The following LMO7 variants were observed in gnomAD, a reference collection of about 807,000 sequenced individuals.
LMO7 encodes the protein LIM domain 7.
LMO7 carries 120 observed loss-of-function variants against 206.5 expected under a neutral mutation model. The observed-to-expected ratio is 0.58, with a 90% CI of 0.50 to 0.68. LMO7 has a LOEUF of 0.68. LMO7 is among the 30% of genes least tolerant of loss of function. LMO7 has a pLI of 0.00. For synonymous variants in LMO7, 706 were observed against 681.5 expected (o/e 1.04, Z -0.56); for missense variants, 1,959 against 1,957.9 (o/e 1.00, Z -0.01).
intron 1 of LMO7, among the ~76,000 whole-genome samples, chr13:75,655,407 T>A (rs2037963432): frequency 6.6e-6 from 1 of 152,112 alleles, no homozygotes; most frequent in Non-Finnish European, 1.5e-5. Context: ...CAACACAAAA[T>A]GTCAGGTTTT....
chr13:75,737,771 A>AAAAG (rs2045992592), intron 3 of LMO7, among the ~76,000 whole-genome samples: 1 of 28,970 alleles, frequency 3.5e-5, no homozygotes, highest in Non-Finnish European at 6.7e-5. Flanking sequence ...AAAAAATAAA[A>AAAAG]TAAAATAAAA....
chr13:75,695,418 C>T (rs997826258), intron 1 of LMO7, among the ~76,000 whole-genome samples: 2 of 152,176 alleles, frequency 1.3e-5, no homozygotes, highest in African/African-American at 2.4e-5. Flanking sequence ...CTGGAGTGCA[C>T]TCACTGCAAC....
At chr13:75,843,364 G>A (rs149733588) in intron 25 of LMO7, among the ~76,000 whole-genome samples, 1 of 152,302 alleles carries the variant, frequency 6.6e-6, no homozygotes, top group East Asian at 1.9e-4. Context: ...GCATCTTGAG[G>A]TTTAAGTTGT....
chr13:75,785,041 A>T (rs1004926607), intron 4 of LMO7, among the ~76,000 whole-genome samples: 1 of 152,168 alleles, frequency 6.6e-6, no homozygotes, highest in African/African-American at 2.4e-5. Flanking sequence ...TATACAGGAT[A>T]GTGGAAAATA....
chr13:75,819,590 A>T, intron 13 of LMO7, 55 bp downstream of exon 13: 2 of 1,445,208 alleles, frequency 1.4e-6, no homozygotes, highest in Non-Finnish European at 1.8e-6. Context: ...CCAGTGTTAT[A>T]AATAGATATT....
intron 3 of LMO7, among the ~76,000 whole-genome samples, chr13:75,739,965 C>T (rs910291548): frequency 3.3e-5 from 5 of 152,102 alleles, no homozygotes; most frequent in African/African-American, 1.2e-4. Flanking sequence ...GGGGAAAAAG[C>T]CCACTTCTCT....
At chr13:75,673,177 A>G (rs1247281747) in intron 1 of LMO7, among the ~76,000 whole-genome samples, 1 of 152,184 alleles carries the variant, frequency 6.6e-6, no homozygotes, top group Admixed American at 6.5e-5. Flanking sequence ...AAGTCTTAGG[A>G]TTTGTCTTGA....
Position 75,726,422 on chromosome 13 carries a change from C to A in LMO7, c.141-607C>A, listed in dbSNP as rs575761671. On this transcript the variant is annotated intron_variant, in intron 2 of 30. Transcript: ENST00000377534. Reference sequence around the variant, plus strand: ...TCTGTTTAATCTAAAATACTAGATTCTGAGGTAACTTAGTTAATTTGGGGG... The same window carrying A: ...TCTGTTTAATCTAAAATACTAGATTATGAGGTAACTTAGTTAATTTGGGGG... Among the ~76,000 whole-genome samples the A allele has an allele frequency of 5.9e-5, 9 of 151,978 alleles. No homozygotes were observed. The South Asian group carries it at 1.9e-3, about 32-fold the overall frequency.
chr13:75,820,018 G>A (rs2057418619), intron 13 of LMO7, among the ~76,000 whole-genome samples: 1 of 152,038 alleles, frequency 6.6e-6, no homozygotes, highest in Non-Finnish European at 1.5e-5. Context: ...TCTTTGCATT[G>A]CATCTTAACA....
chr13:75,688,428 T>C (rs2041193065), intron 1 of LMO7: 1 of 152,228 alleles, frequency 6.6e-6, no homozygotes, highest in African/African-American at 2.4e-5. Flanking sequence ...ATTTGATAAT[T>C]AGCTCCCGTA....
intron 3 of LMO7, among the ~76,000 whole-genome samples, chr13:75,755,283 T>C (rs1594754374): frequency 6.6e-6 from 1 of 152,190 alleles, no homozygotes; most frequent in East Asian, 1.9e-4. Flanking sequence ...ATTTTCAAAT[T>C]CTTTGGGTAG....
rs9600532 is a variant in LMO7, at chr13:75,710,340, G to T, written c.70-2842G>T. On this transcript the variant is annotated intron_variant, in intron 1 of 30. Coordinates refer to ENST00000377534, the MANE Select transcript of LMO7 (RefSeq NM_001306080.2). ...GTTTTTTCTAATTCTGTGAAGAAAG[G>T]CATTGGTAGCTTGATGGGGATGGCA... is the stretch of plus-strand genomic sequence containing the variant. 9.1e-3 allele frequency among the ~76,000 whole-genome samples: 1,382 copies of T among 152,210 alleles called. 27 individuals carry two copies. Among genetic ancestry groups the T allele is most frequent in the African/African-American group, 0.03 (1,258 of 41,524 alleles).
intron 4 of LMO7, among the ~76,000 whole-genome samples, chr13:75,765,394 G>T (rs2048734506): frequency 7.6e-6 from 1 of 132,236 alleles, no homozygotes. Flanking sequence ...TTTTAAGCAA[G>T]CTTAACGATA....
At chr13:75,821,127 G>T (rs374718157) in intron 13 of LMO7, 50 bp from the exon 14 acceptor site, 5 of 1,429,740 alleles carry the variant, frequency 3.5e-6, no homozygotes, top group African/African-American at 1.4e-5. Flanking sequence ...CACCACCTCT[G>T]TGTGTCAAAT....
intron 3 of LMO7, among the ~76,000 whole-genome samples, chr13:75,743,396 A>G (rs896320013): frequency 1.3e-5 from 2 of 152,212 alleles, no homozygotes; most frequent in East Asian, 1.9e-4. Flanking sequence ...AGACACATGC[A>G]TGTTTATGTT....
chr13:75,718,777 C>A (rs1036490331), intron 2 of LMO7, among the ~76,000 whole-genome samples: 2 of 152,134 alleles, frequency 1.3e-5, no homozygotes, highest in Admixed American at 1.3e-4. Context: ...CTGTAGAAAT[C>A]CTCTGTGCTC....
chr13:75,737,430 T>C (rs2045914083), intron 3 of LMO7, among the ~76,000 whole-genome samples: 1 of 151,294 alleles, frequency 6.6e-6, no homozygotes, highest in Admixed American at 6.6e-5. Flanking sequence ...TACAGATAGG[T>C]ACATGTTTTA....
intron 2 of LMO7, among the ~76,000 whole-genome samples, chr13:75,625,661 T>C (rs1439915716): frequency 6.6e-6 from 1 of 152,242 alleles, no homozygotes; most frequent in East Asian, 1.9e-4. Flanking sequence ...GGTCTATTTC[T>C]GTCCACGAAG....
Position 75,795,494 on chromosome 13 carries a change from G to T in LMO7, c.348+63G>T. 4 of 1,164,396 alleles carry T rather than the reference G, an allele frequency of 3.4e-6. No homozygotes were observed. In the East Asian group the frequency reaches 9.6e-5, roughly 28 times the overall value. The allele number at this position is 1,164,396 out of a possible 1,614,324, so 72.1% of individuals were successfully genotyped here. A position where few individuals can be genotyped will look rare whatever the true frequency, so the allele number is the denominator to read the frequency against. ...CTTTCACTTTCATGTTCTGTAAGAA[G>T]GCAGTGAATCTAAAAGTATACTCTA... On this transcript the variant is annotated intron_variant, in intron 5 of 30. Coordinates refer to ENST00000377534, the MANE Select transcript of LMO7 (RefSeq NM_001306080.2).
Sources: gnomAD v4.1 joint callset for allele counts (sites outside exome capture counted in the v4.1 genomes callset) on GRCh38, gnomAD v4.1.1 for gene constraint, MANE v1.5 for transcripts, NCBI Gene and HGNC (gene_info 2026-07-23, HGNC 2026-07-21) for gene names.